The following TRAPPC9 variants were observed in gnomAD, a reference collection of about 807,000 sequenced individuals.
The protein encoded by TRAPPC9 is trafficking protein particle complex subunit 9.
In TRAPPC9, 83 loss-of-function variants were observed where a neutral mutation model predicts 124.0. The ratio of observed to expected loss-of-function variants is 0.67; its 90% confidence interval spans 0.56 to 0.80. TRAPPC9 has a LOEUF of 0.80. Among genes scored for constraint, TRAPPC9 ranks in the 30% least tolerant of loss-of-function variants. The probability of loss-of-function intolerance (pLI) is 0.00; values close to 1 mark genes in which losing one functional copy is unlikely to be tolerated. For missense variants in TRAPPC9, 1,302 were observed against 1,508.3 expected, an observed-to-expected ratio of 0.86 and a Z score of 2.27; for synonymous variants, 638 against 617.5, an observed-to-expected ratio of 1.03 and a Z score of -0.49.
At chr8:140,029,289 T>C (rs192083052) in intron 17 of TRAPPC9, among the ~76,000 whole-genome samples, 1 of 152,342 alleles carries the variant, frequency 6.6e-6, no homozygotes, top group African/African-American at 2.4e-5. Flanking sequence ...GCAGATCACT[T>C]GAGCCCCAGA....
chr8:139,946,719 G>A (rs374228112), intron 19 of TRAPPC9, among the ~76,000 whole-genome samples: 4 of 150,772 alleles, frequency 2.7e-5, no homozygotes, highest in South Asian at 2.1e-4. Flanking sequence ...AGTGGCTCAC[G>A]CCTGAAATCC....
At chr8:140,348,466 A>G (rs1378987998) in intron 9 of TRAPPC9, among the ~76,000 whole-genome samples, 2 of 152,180 alleles carry the variant, frequency 1.3e-5, no homozygotes, top group Non-Finnish European at 2.9e-5. Flanking sequence ...GTGTCTCAAC[A>G]GCAATCACAA....
At chr8:140,437,239 A>T (rs1331726798) in intron 3 of TRAPPC9, among the ~76,000 whole-genome samples, 1 of 151,990 alleles carries the variant, frequency 6.6e-6, no homozygotes, top group Non-Finnish European at 1.5e-5. Context: ...TGTTTTGTAG[A>T]AGTGAGGTGA....
At chr8:140,293,048 G>A (rs2065707226) in intron 11 of TRAPPC9, among the ~76,000 whole-genome samples, 2 of 147,930 alleles carry the variant, frequency 1.4e-5, no homozygotes, top group Non-Finnish European at 3.0e-5. Flanking sequence ...ATCAAAAAGT[G>A]GGCAAAGGAA....
chr8:139,910,786 C>T (rs564154401), intron 19 of TRAPPC9, among the ~76,000 whole-genome samples: 7 of 22,536 alleles, frequency 3.1e-4, no homozygotes, highest in East Asian at 1.6e-3. Context: ...CTCCCACAGC[C>T]CCCCCTCAGC....
intron 20 of TRAPPC9, among the ~76,000 whole-genome samples, chr8:139,888,243 CTCTCT>C (rs1410824730): frequency 6.6e-6 from 1 of 152,242 alleles, no homozygotes; most frequent in African/African-American, 2.4e-5. Context: ...GCTCTGCTCC[CTCTCT>C]TCTCTTCGTG....
At chr8:139,861,799 G>C (rs1441134588) in intron 21 of TRAPPC9, among the ~76,000 whole-genome samples, 2 of 152,052 alleles carry the variant, frequency 1.3e-5, no homozygotes, top group Non-Finnish European at 2.9e-5. Flanking sequence ...AAGACGCACT[G>C]TCTCCCCTGC....
At chr8:139,806,275 A>G (rs1824051191) in intron 21 of TRAPPC9, 1 of 152,136 alleles carries the variant, frequency 6.6e-6, no homozygotes, top group Non-Finnish European at 1.5e-5. Flanking sequence ...GCCCCTTCCC[A>G]TGGGTGGGGG....
intron 21 of TRAPPC9, among the ~76,000 whole-genome samples, chr8:139,796,338 G>A (rs551011840): frequency 6.6e-6 from 1 of 152,198 alleles, no homozygotes; most frequent in Non-Finnish European, 1.5e-5. Flanking sequence ...CAAAGGGGGA[G>A]GAGCTGACCT....
chr8:140,415,924 G>A (rs1384860613), intron 5 of TRAPPC9, among the ~76,000 whole-genome samples: 1 of 152,132 alleles, frequency 6.6e-6, no homozygotes, highest in Non-Finnish European at 1.5e-5. Context: ...CTGTACCATT[G>A]CACTCTACCC....
chr8:140,040,794 C>A (rs1481207982), intron 17 of TRAPPC9: 1 of 152,200 alleles, frequency 6.6e-6, no homozygotes, highest in East Asian at 1.9e-4. Flanking sequence ...GATGCAGTAA[C>A]TAAAGGACTC....
chr8:139,970,830 T>G (rs954437176), intron 19 of TRAPPC9, among the ~76,000 whole-genome samples: 1 of 152,034 alleles, frequency 6.6e-6, no homozygotes, highest in Non-Finnish European at 1.5e-5. Flanking sequence ...AGTACAACCT[T>G]TCTGGTGTGG....
At chr8:139,786,376 T>C (rs1349469851) in intron 21 of TRAPPC9, among the ~76,000 whole-genome samples, 1 of 152,108 alleles carries the variant, frequency 6.6e-6, no homozygotes, top group African/African-American at 2.4e-5. Flanking sequence ...ACTAATCCGT[T>C]AGAGGGCCTA....
At chr8:139,988,191 C>A (rs1481724311) in intron 19 of TRAPPC9, among the ~76,000 whole-genome samples, 2 of 150,540 alleles carry the variant, frequency 1.3e-5, no homozygotes, top group African/African-American at 2.4e-5. Context: ...CGGCTCACTG[C>A]ACCCTCTGCT....
At chr8:140,376,049 C>T (rs2068428214) in intron 7 of TRAPPC9, among the ~76,000 whole-genome samples, 1 of 152,168 alleles carries the variant, frequency 6.6e-6, no homozygotes, top group African/African-American at 2.4e-5. Flanking sequence ...TTGTTAAAAA[C>T]ATAACCTACT....
intron 17 of TRAPPC9, among the ~76,000 whole-genome samples, chr8:140,123,907 C>T (rs1490303166): frequency 6.6e-6 from 1 of 152,150 alleles, no homozygotes; most frequent in Non-Finnish European, 1.5e-5. Flanking sequence ...TAACAAGCAG[C>T]CTCCAAATCT....
chr8:140,199,475 T>C (rs1554642905), intron 17 of TRAPPC9, among the ~76,000 whole-genome samples: 2 of 151,910 alleles, frequency 1.3e-5, no homozygotes, highest in Non-Finnish European at 2.9e-5. Flanking sequence ...AGTTCGTAGG[T>C]GATCAAGCTG....
chr8:140,382,846 C>T (rs1040000821), intron 7 of TRAPPC9, among the ~76,000 whole-genome samples: 10 of 152,122 alleles, frequency 6.6e-5, no homozygotes, highest in African/African-American at 2.4e-4. Flanking sequence ...GATCTGAGAA[C>T]GGACAGACTA....
At chr8:139,980,749 C>T (rs138943050) in intron 19 of TRAPPC9, among the ~76,000 whole-genome samples, 5 of 152,318 alleles carry the variant, frequency 3.3e-5, no homozygotes, top group African/African-American at 9.6e-5. Context: ...GGCTCCAGCC[C>T]GTGCGTGTTC....
Sources: gnomAD v4.1 joint callset for allele counts (sites outside exome capture counted in the v4.1 genomes callset) on GRCh38, gnomAD v4.1.1 for gene constraint, MANE v1.5 for transcripts, NCBI Gene and HGNC (gene_info 2026-07-23, HGNC 2026-07-21) for gene names.